Variants in RPS6KC1 observed in about 807,000 individuals in gnomAD.
RPS6KC1 encodes inactive ribosomal protein S6 kinase delta-1.
Under a neutral mutation model 103.8 loss-of-function variants are expected in RPS6KC1, and 54 were observed. The observed-to-expected ratio is 0.52, with a 90% CI of 0.42 to 0.65. The LOEUF (loss-of-function observed/expected upper bound fraction) is 0.65, where lower values mean the gene tolerates loss of function less well. Ranked by LOEUF, RPS6KC1 falls within the 30% of genes least tolerant of loss-of-function variation. The pLI, the probability that RPS6KC1 is intolerant of heterozygous loss-of-function variation, is 0.00. For synonymous variants in RPS6KC1, 439 were observed against 438.7 expected (o/e 1.00, Z -0.01); for missense variants, 1,151 against 1,253.8 (o/e 0.92, Z 1.24).
At chr1:213,774,193 A>G in the RPS6KC1 span, among the ~76,000 whole-genome samples, 4 of 152,244 alleles carry the variant, frequency 2.6e-5, no homozygotes, top group South Asian at 2.1e-4. Flanking sequence ...GCAAGTTATC[A>G]TAAGAAAACC....
chr1:213,116,342 T>A (rs2083610345), intron 4 of RPS6KC1, among the ~76,000 whole-genome samples: 1 of 144,660 alleles, frequency 6.9e-6, no homozygotes, highest in Non-Finnish European at 1.5e-5. Context: ...TTTGTTGGTT[T>A]AAAGTCTGTT....
the RPS6KC1 span, among the ~76,000 whole-genome samples, chr1:213,593,442 T>A: frequency 6.6e-6 from 1 of 152,126 alleles, no homozygotes; most frequent in African/African-American, 2.4e-5. Flanking sequence ...TCAAGGATAT[T>A]CCCCTGGAAG....
At chr1:213,433,738 AT>A in the RPS6KC1 span, among the ~76,000 whole-genome samples, 5 of 152,210 alleles carry the variant, frequency 3.3e-5, no homozygotes, top group Non-Finnish European at 7.3e-5. Flanking sequence ...GATGTTGAGC[AT>A]TTTTTATGTG....
At chr1:213,390,255 A>G in the RPS6KC1 span, among the ~76,000 whole-genome samples, 1 of 152,210 alleles carries the variant, frequency 6.6e-6, no homozygotes, top group Non-Finnish European at 1.5e-5. Flanking sequence ...CAATAGTTGG[A>G]TGGCGAGGGT....
intron 12 of RPS6KC1, among the ~76,000 whole-genome samples, chr1:213,255,155 A>G (rs1460017436): frequency 1.3e-5 from 2 of 151,840 alleles, no homozygotes. Flanking sequence ...AGAAATAAAA[A>G]AATTAGCCAA....
the RPS6KC1 span, among the ~76,000 whole-genome samples, chr1:213,313,584 C>T: frequency 2.6e-5 from 4 of 152,242 alleles, no homozygotes; most frequent in African/African-American, 4.8e-5. Flanking sequence ...GTGTCCATTT[C>T]GCAGTCAGTC....
At chr1:213,596,587 G>A in the RPS6KC1 span, among the ~76,000 whole-genome samples, 25 of 152,354 alleles carry the variant, frequency 1.6e-4, no homozygotes, top group Admixed American at 5.2e-4. Flanking sequence ...ACCCTGCTGC[G>A]CAGTAAGTGG....
the RPS6KC1 span, among the ~76,000 whole-genome samples, chr1:213,288,192 G>A: frequency 2.0e-5 from 3 of 152,264 alleles, no homozygotes; most frequent in East Asian, 1.9e-4. Flanking sequence ...TCAACATTGC[G>A]CAATGCACAC....
At chr1:213,781,045 C>G in the RPS6KC1 span, among the ~76,000 whole-genome samples, 1 of 151,986 alleles carries the variant, frequency 6.6e-6, no homozygotes, top group Non-Finnish European at 1.5e-5. Context: ...AAACAACAAA[C>G]AAACAAAAAA....
chr1:213,328,290 G>A, the RPS6KC1 span, among the ~76,000 whole-genome samples: 2 of 151,974 alleles, frequency 1.3e-5, no homozygotes, highest in Non-Finnish European at 2.9e-5. Context: ...TTACTTTGCT[G>A]TGCTGTGATA....
chr1:213,344,698 C>A, the RPS6KC1 span, among the ~76,000 whole-genome samples: 1 of 152,126 alleles, frequency 6.6e-6, no homozygotes, highest in South Asian at 2.1e-4. Context: ...CCACGCCTGG[C>A]TAATTTTTGT....
chr1:213,287,323 C>G, the RPS6KC1 span, among the ~76,000 whole-genome samples: 3 of 151,552 alleles, frequency 2.0e-5, no homozygotes, highest in African/African-American at 7.3e-5. Context: ...GCTATCGTGT[C>G]CATTTACCAG....
the RPS6KC1 span, among the ~76,000 whole-genome samples, chr1:213,526,675 C>T: frequency 6.6e-6 from 1 of 152,284 alleles, no homozygotes; most frequent in East Asian, 1.9e-4. Context: ...CTGTGTGAAC[C>T]TAAGTCCTCT....
At chr1:213,757,982 C>G in the RPS6KC1 span, among the ~76,000 whole-genome samples, 1 of 152,126 alleles carries the variant, frequency 6.6e-6, no homozygotes, top group Non-Finnish European at 1.5e-5. Flanking sequence ...ATATTTTGAG[C>G]CCACTGTTGA....
rs141188421 is a variant in RPS6KC1 at position 213,250,059 on chromosome 1, C to T, written c.2911+7401C>T. Among the ~76,000 whole-genome samples, 714 of 152,290 alleles carry T rather than the reference C, an allele frequency of 4.7e-3. 6 individuals are homozygous for T. Among genetic ancestry groups the T allele is most frequent in the African/African-American group, 0.016 (676 of 41,558 alleles). ...ACTAGCTGAGTGTGGTCTGCACTCA[C>T]GTCCAGTTCCCCACAATACAGCAGG... On this transcript the variant is annotated intron_variant, in intron 12 of 14. Coordinates refer to ENST00000366960, the MANE Select transcript of RPS6KC1 (RefSeq NM_012424.6).
At chr1:213,152,282 A>G (rs1234095124) in intron 6 of RPS6KC1, among the ~76,000 whole-genome samples, 3 of 129,604 alleles carry the variant, frequency 2.3e-5, no homozygotes, top group African/African-American at 9.1e-5. Context: ...CGGGGGGCTG[A>G]TCCCCCTACC....
the RPS6KC1 span, among the ~76,000 whole-genome samples, chr1:213,855,284 A>G: frequency 1.3e-5 from 2 of 152,238 alleles, no homozygotes; most frequent in Non-Finnish European, 2.9e-5. Context: ...AGTACCAGAA[A>G]TGAGCTATGA....
the RPS6KC1 span, among the ~76,000 whole-genome samples, chr1:213,719,798 C>T: frequency 6.6e-5 from 10 of 151,952 alleles, no homozygotes; most frequent in Non-Finnish European, 1.0e-4. Flanking sequence ...GGTGGTATCC[C>T]GGTCAAGAGC....
At chr1:213,736,697 T>C in the RPS6KC1 span, among the ~76,000 whole-genome samples, 2 of 152,180 alleles carry the variant, frequency 1.3e-5, no homozygotes, top group Admixed American at 1.3e-4. Flanking sequence ...TGGGATTCTC[T>C]CCCAAACCAG....
Sources: allele counts gnomAD v4.1 joint callset (sites outside exome capture counted in the v4.1 genomes callset), GRCh38; gene constraint gnomAD v4.1.1; transcripts MANE v1.5; gene names NCBI Gene and HGNC (gene_info 2026-07-23, HGNC 2026-07-21).